The following CFAP95 variants were observed in gnomAD, a reference collection of about 807,000 sequenced individuals.
The protein encoded by CFAP95 is cilia- and flagella-associated protein 95.
At chr9:69,883,553 C>T in the CFAP95 span, among the ~76,000 whole-genome samples, 94,077 of 152,034 alleles carry the variant, frequency 0.62, 29,448 homozygotes, top group East Asian at 0.82. Context: ...AAGATGGCGA[C>T]GCTCCTGCTC....
chr9:69,862,994 G>C, the CFAP95 span, among the ~76,000 whole-genome samples: 2 of 152,202 alleles, frequency 1.3e-5, no homozygotes, highest in African/African-American at 2.4e-5. Flanking sequence ...CCTTCCATGT[G>C]CATCACAGAT....
the CFAP95 span, among the ~76,000 whole-genome samples, chr9:69,860,274 A>G: frequency 6.6e-6 from 1 of 152,104 alleles, no homozygotes; most frequent in Non-Finnish European, 1.5e-5. Flanking sequence ...GGCCTCAGGA[A>G]GCTTTTACTC....
At chr9:69,881,938 G>GT in the CFAP95 span, among the ~76,000 whole-genome samples, 10 of 147,162 alleles carry the variant, frequency 6.8e-5, no homozygotes, top group East Asian at 7.9e-4. Context: ...ATGGGATTAG[G>GT]TTTTTTTTAA....
the CFAP95 span, among the ~76,000 whole-genome samples, chr9:69,904,162 T>A: frequency 6.6e-6 from 1 of 152,198 alleles, no homozygotes; most frequent in African/African-American, 2.4e-5. Flanking sequence ...TTTCAGGACA[T>A]TTTTGTCACC....
the CFAP95 span, among the ~76,000 whole-genome samples, chr9:69,890,047 T>A: frequency 1.3e-5 from 2 of 152,134 alleles, no homozygotes; most frequent in Non-Finnish European, 2.9e-5. Context: ...GTAACAAGTG[T>A]GATGGTTTAT....
chr9:69,823,439 C>A, the CFAP95 span, among the ~76,000 whole-genome samples: 1 of 152,152 alleles, frequency 6.6e-6, no homozygotes, highest in South Asian at 2.1e-4. Flanking sequence ...AAAACTCGGG[C>A]TCTAGGTTTG....
At chr9:69,868,989 C>T in the CFAP95 span, among the ~76,000 whole-genome samples, 123 of 152,200 alleles carry the variant, frequency 8.1e-4, 1 homozygote, top group African/African-American at 2.8e-3. Flanking sequence ...ATCAAAAAGA[C>T]AAAAGATAAG....
At chr9:69,842,256 A>G in the CFAP95 span, among the ~76,000 whole-genome samples, 1 of 152,166 alleles carries the variant, frequency 6.6e-6, no homozygotes, top group East Asian at 1.9e-4. Context: ...AGGAGGATGG[A>G]GACCTGCATG....
At chr9:69,844,546 G>A in the CFAP95 span, 3 of 1,608,466 alleles carry the variant, frequency 1.9e-6, no homozygotes, top group Non-Finnish European at 2.5e-6. Flanking sequence ...TTTCCCAAAG[G>A]TTATGATATA....
the CFAP95 span, among the ~76,000 whole-genome samples, chr9:69,839,529 C>T: frequency 1.6e-4 from 24 of 152,090 alleles, no homozygotes; most frequent in Non-Finnish European, 2.9e-4. Flanking sequence ...CGGGTTCAAG[C>T]GATTCTCATG....
At chr9:69,860,588 T>C in the CFAP95 span, among the ~76,000 whole-genome samples, 1 of 141,244 alleles carries the variant, frequency 7.1e-6, no homozygotes, top group Non-Finnish European at 1.5e-5. Context: ...GGCACCTTTT[T>C]TACTTTATAC....
At chr9:69,893,461 T>C in the CFAP95 span, among the ~76,000 whole-genome samples, 4 of 152,322 alleles carry the variant, frequency 2.6e-5, no homozygotes, top group African/African-American at 9.6e-5. Flanking sequence ...CTTGTCTGAA[T>C]TATATTAGCT....
the CFAP95 span, among the ~76,000 whole-genome samples, chr9:69,850,387 T>C: frequency 6.6e-6 from 1 of 152,306 alleles, no homozygotes. Flanking sequence ...GGCAAATAAA[T>C]GAATAGTACA....
the CFAP95 span, among the ~76,000 whole-genome samples, chr9:69,844,191 G>A: frequency 6.6e-6 from 1 of 152,074 alleles, no homozygotes; most frequent in Admixed American, 6.6e-5. Context: ...ATATTACCAT[G>A]TCTTATTTTA....
At chr9:69,824,014 T>A in the CFAP95 span, among the ~76,000 whole-genome samples, 4 of 152,164 alleles carry the variant, frequency 2.6e-5, no homozygotes, top group South Asian at 8.3e-4. Context: ...ATGGCTTAGT[T>A]TGGGCTCAGA....
chr9:69,897,900 A>G, the CFAP95 span, among the ~76,000 whole-genome samples: 1 of 152,214 alleles, frequency 6.6e-6, no homozygotes, highest in Non-Finnish European at 1.5e-5. Flanking sequence ...GATCTGAGGA[A>G]GAAGAAAGAG....
the CFAP95 span, among the ~76,000 whole-genome samples, chr9:69,898,981 A>C: frequency 2.6e-5 from 4 of 151,510 alleles, no homozygotes; most frequent in Admixed American, 2.6e-4. Flanking sequence ...CTTTGTCCTC[A>C]GTTAGCTGTG....
the CFAP95 span, among the ~76,000 whole-genome samples, chr9:69,859,202 G>C: frequency 1.3e-5 from 2 of 151,968 alleles, no homozygotes; most frequent in African/African-American, 4.8e-5. Flanking sequence ...TTGAATGTTG[G>C]ATTTCTTGTC....
At chr9:69,904,636 T>A in the CFAP95 span, among the ~76,000 whole-genome samples, 1 of 152,200 alleles carries the variant, frequency 6.6e-6, no homozygotes, top group African/African-American at 2.4e-5. Context: ...TTTGAGGCTC[T>A]CTTCAGTTTG....
Sources: gnomAD v4.1 joint callset for allele counts (sites outside exome capture counted in the v4.1 genomes callset) on GRCh38, gnomAD v4.1.1 for gene constraint, MANE v1.5 for transcripts, NCBI Gene and HGNC (gene_info 2026-07-23, HGNC 2026-07-21) for gene names.